ADGRB3: variants seen among roughly 807,000 people sequenced by gnomAD.
ADGRB3 encodes adhesion G protein-coupled receptor B3.
ADGRB3 carries 37 observed loss-of-function variants against 193.4 expected under a neutral mutation model. The ratio of observed to expected loss-of-function variants is 0.19; its 90% CI spans 0.15 to 0.25. The LOEUF (loss-of-function observed/expected upper bound fraction) is 0.25. ADGRB3 is among the 10% of genes least tolerant of loss of function. The probability of loss-of-function intolerance (pLI) is 1.00; values close to 1 mark genes in which losing one functional copy is unlikely to be tolerated. For missense variants in ADGRB3, 1,637 were observed against 1,852.9 expected (o/e 0.88, Z 2.14); for synonymous variants, 690 against 644.2 (o/e 1.07, Z -1.08).
chr6:69,147,883 T>C (rs1240004482), intron 17 of ADGRB3, among the ~76,000 whole-genome samples: 7 of 152,206 alleles, frequency 4.6e-5, no homozygotes, highest in Admixed American at 4.6e-4. Flanking sequence ...GTACCCTTTA[T>C]TATTATATAA....
intron 17 of ADGRB3, among the ~76,000 whole-genome samples, chr6:69,227,421 G>A (rs1378043208): frequency 6.6e-6 from 1 of 152,150 alleles, no homozygotes. Flanking sequence ...ATTTTTAGTG[G>A]AGTTTACATA....
At chr6:68,917,560 A>C (rs1373175752) in intron 3 of ADGRB3, among the ~76,000 whole-genome samples, 4 of 152,172 alleles carry the variant, frequency 2.6e-5, no homozygotes, top group Non-Finnish European at 4.4e-5. Flanking sequence ...ATGTGTATGT[A>C]GCTTAGGGTA....
chr6:68,943,620 T>C (rs1307920652), intron 5 of ADGRB3, among the ~76,000 whole-genome samples: 1 of 152,206 alleles, frequency 6.6e-6, no homozygotes, highest in Admixed American at 6.5e-5. Flanking sequence ...TGTTCAAATG[T>C]AGAAAAAAGC....
At chr6:68,844,124 G>A (rs541145785) in intron 3 of ADGRB3, among the ~76,000 whole-genome samples, 1 of 152,190 alleles carries the variant, frequency 6.6e-6, no homozygotes, top group East Asian at 1.9e-4. Context: ...AAGATTTCTT[G>A]AATAATACCC....
chr6:68,986,017 G>A (rs780968160), intron 10 of ADGRB3, among the ~76,000 whole-genome samples: 3 of 152,058 alleles, frequency 2.0e-5, no homozygotes, highest in Non-Finnish European at 2.9e-5. Flanking sequence ...TAGAAAAGAC[G>A]TCTCACCTAC....
chr6:69,259,779 C>A (rs920882637), intron 20 of ADGRB3, among the ~76,000 whole-genome samples: 8 of 150,562 alleles, frequency 5.3e-5, no homozygotes, highest in Non-Finnish European at 1.0e-4. Flanking sequence ...AAGATCTTAG[C>A]ATTTAATTCA....
chr6:69,298,543 T>C (rs1767881253), intron 20 of ADGRB3, among the ~76,000 whole-genome samples: 1 of 151,978 alleles, frequency 6.6e-6, no homozygotes. Flanking sequence ...CTCTCCGTAT[T>C]AGCCTGCCCA....
At chr6:68,698,194 A>G (rs1765187793) in intron 3 of ADGRB3, among the ~76,000 whole-genome samples, 3 of 151,930 alleles carry the variant, frequency 2.0e-5, no homozygotes, top group African/African-American at 7.2e-5. Flanking sequence ...TTATATTTTG[A>G]TTTCATTGAA....
chr6:69,116,475 G>T (rs986086556), intron 17 of ADGRB3, among the ~76,000 whole-genome samples: 8 of 152,138 alleles, frequency 5.3e-5, no homozygotes, highest in Admixed American at 2.0e-4. Context: ...GATTGGACAT[G>T]AAAGTTATTT....
chr6:68,770,330 C>T (rs932042538), intron 3 of ADGRB3, among the ~76,000 whole-genome samples: 5 of 152,104 alleles, frequency 3.3e-5, no homozygotes, highest in Non-Finnish European at 5.9e-5. Flanking sequence ...ACCCTCTTCT[C>T]GTCACTTTGC....
At chr6:69,279,469 T>C (rs1767386021) in intron 20 of ADGRB3, among the ~76,000 whole-genome samples, 1 of 152,022 alleles carries the variant, frequency 6.6e-6, no homozygotes. Flanking sequence ...TGTGTGTGTG[T>C]GTGTGTATTT....
intron 11 of ADGRB3, among the ~76,000 whole-genome samples, chr6:68,996,572 G>A (rs1332528672): frequency 6.6e-6 from 1 of 152,096 alleles, no homozygotes; most frequent in Non-Finnish European, 1.5e-5. Flanking sequence ...GCCACTTGAG[G>A]TAAATGAACC....
At chr6:68,912,937 G>C (rs574705557) in intron 3 of ADGRB3, among the ~76,000 whole-genome samples, 2 of 152,096 alleles carry the variant, frequency 1.3e-5, no homozygotes, top group Non-Finnish European at 2.9e-5. Flanking sequence ...AGGGTCCTAC[G>C]CCCATGGAAT....
At chr6:69,217,066 T>G (rs866974746) in intron 17 of ADGRB3, among the ~76,000 whole-genome samples, 2 of 152,188 alleles carry the variant, frequency 1.3e-5, no homozygotes, top group East Asian at 1.9e-4. Context: ...TAAATCATCA[T>G]GTTTCCTTTC....
chr6:69,133,096 C>A (rs1201188848), intron 17 of ADGRB3, among the ~76,000 whole-genome samples: 6 of 151,998 alleles, frequency 3.9e-5, no homozygotes, highest in African/African-American at 1.5e-4. Context: ...TTAGCATTGT[C>A]TTAGCTATGC....
At chr6:69,015,744 C>T (rs921501795) in intron 12 of ADGRB3, among the ~76,000 whole-genome samples, 5 of 151,674 alleles carry the variant, frequency 3.3e-5, no homozygotes, top group Non-Finnish European at 5.9e-5. Flanking sequence ...TTTACTCTTT[C>T]GAATAGTCAT....
chr6:68,712,655 A>C (rs1399537556), intron 3 of ADGRB3, among the ~76,000 whole-genome samples: 1 of 151,948 alleles, frequency 6.6e-6, no homozygotes, highest in Non-Finnish European at 1.5e-5. Flanking sequence ...AGAGGGAAAA[A>C]TATGAGAGAG....
At chr6:68,914,619 G>A (rs1218414614) in intron 3 of ADGRB3, among the ~76,000 whole-genome samples, 1 of 152,154 alleles carries the variant, frequency 6.6e-6, no homozygotes, top group African/African-American at 2.4e-5. Flanking sequence ...TCGAGGCTAG[G>A]AAGAAACTGC....
chr6:68,858,777 A>G (rs1236641323), intron 3 of ADGRB3, among the ~76,000 whole-genome samples: 1 of 152,118 alleles, frequency 6.6e-6, no homozygotes, highest in Non-Finnish European at 1.5e-5. Flanking sequence ...GATGGGACAC[A>G]GGGCATCAAG....
Sources: allele counts gnomAD v4.1 joint callset (sites outside exome capture counted in the v4.1 genomes callset), GRCh38; gene constraint gnomAD v4.1.1; transcripts MANE v1.5; gene names NCBI Gene and HGNC (gene_info 2026-07-23, HGNC 2026-07-21).